Variants in CLEC16A observed in about 807,000 individuals in gnomAD.
CLEC16A encodes the protein C-type lectin domain containing 16A.
A neutral mutation model predicts 109.5 loss-of-function variants in CLEC16A; 51 were observed. The ratio of observed to expected loss-of-function variants is 0.47; its 90% CI spans 0.37 to 0.59. The LOEUF is 0.59. Ranked by LOEUF, CLEC16A falls within the 20% of genes least tolerant of loss-of-function variation. The pLI, the probability that CLEC16A is intolerant of heterozygous loss-of-function variation, is 0.00. For synonymous variants in CLEC16A, 673 were observed against 564.2 expected (o/e 1.19, Z -2.73); for missense variants, 1,339 against 1,394.0 (o/e 0.96, Z 0.63).
intron 19 of CLEC16A, among the ~76,000 whole-genome samples, chr16:11,110,619 CT>C (rs1359540424): frequency 3.9e-5 from 6 of 152,148 alleles, no homozygotes; most frequent in Admixed American, 6.5e-5. Context: ...TGTCATGGCA[CT>C]TCCGAGCAAT....
At chr16:11,121,776 A>C (rs2052428467) in intron 20 of CLEC16A, among the ~76,000 whole-genome samples, 1 of 146,272 alleles carries the variant, frequency 6.8e-6, no homozygotes, top group African/African-American at 2.5e-5. Context: ...GCTACCCAGG[A>C]GGCTGAGGCA....
chr16:11,017,215 T>C (rs1374770277), intron 11 of CLEC16A, among the ~76,000 whole-genome samples: 1 of 152,182 alleles, frequency 6.6e-6, no homozygotes, highest in East Asian at 1.9e-4. Flanking sequence ...ACATCTCGTG[T>C]TGGGCTAGAC....
At chr16:10,953,561 G>A (rs1028531338) in intron 1 of CLEC16A, among the ~76,000 whole-genome samples, 1 of 152,108 alleles carries the variant, frequency 6.6e-6, no homozygotes, top group African/African-American at 2.4e-5. Flanking sequence ...TAAAGACCCA[G>A]TATAAAGGGA....
chr16:11,027,143 G>A (rs971825704), intron 13 of CLEC16A: 61 of 1,452,798 alleles, frequency 4.2e-5, no homozygotes, highest in African/African-American at 5.5e-5. Context: ...CAAAGAAGGA[G>A]CAGAAGAAAG....
chr16:11,041,743 C>T (rs977155896), intron 14 of CLEC16A: 1 of 153,386 alleles, frequency 6.5e-6, no homozygotes, highest in Non-Finnish European at 1.5e-5. Context: ...TTTCTCTTAA[C>T]CCAGCAGTTC....
intron 11 of CLEC16A, among the ~76,000 whole-genome samples, chr16:11,012,308 T>C (rs973922011): frequency 1.3e-5 from 2 of 152,066 alleles, no homozygotes; most frequent in Non-Finnish European, 2.9e-5. Flanking sequence ...TTAAGAAAGA[T>C]TTATGGGCCG....
In CLEC16A at chr16:11,051,613, C is replaced by T. The variant is rs1283441746; in HGVS notation, c.1967C>T (p.Pro656Leu). ...GGCATTGACTTCGTGAAGCGGCTGC[C>T]GTGTGGCGATGTGGAGAAGACCCGG... Reference protein sequence around the residue: ...LTGIDFVKRLPCGDVEKTRRA... With the variant: ...LTGIDFVKRLLCGDVEKTRRA... The change falls in exon 18 of 24, where the codon CCG (proline) becomes CTG (leucine). Residue 656 changes from proline (P) to leucine (L), a missense_variant. Pro to Leu is a moderately conservative substitution (Grantham distance 98). Around this residue, in one of 3 missense-constraint regions of CLEC16A, gnomAD observed 1,061 missense variants for 1,006.8 expected, o/e 1.05. Coordinates refer to ENST00000409790, the MANE Select transcript of CLEC16A (RefSeq NM_015226.3). The T allele has an allele frequency of 6.2e-7, 1 of 1,614,032 alleles. No individual in the cohort carries two copies. Among genetic ancestry groups the T allele is most frequent in the Non-Finnish European group, 8.5e-7 (1 of 1,179,882 alleles).
chr16:11,068,717 T>C (rs1243535326), intron 19 of CLEC16A, among the ~76,000 whole-genome samples: 1 of 152,246 alleles, frequency 6.6e-6, no homozygotes, highest in African/African-American at 2.4e-5. Flanking sequence ...ATTCAGCCTC[T>C]GCCGCAAAAT....
chr16:11,136,626 G>A (rs1473215888), intron 22 of CLEC16A, among the ~76,000 whole-genome samples: 3 of 152,350 alleles, frequency 2.0e-5, no homozygotes, highest in East Asian at 1.9e-4. Context: ...GCACAGAGTT[G>A]CTCTTTCACA....
intron 22 of CLEC16A, among the ~76,000 whole-genome samples, chr16:11,159,364 G>A (rs533243251): frequency 6.6e-6 from 1 of 152,338 alleles, no homozygotes; most frequent in East Asian, 1.9e-4. Context: ...AGGACCACCA[G>A]TGTTTTATCT....
At chr16:11,095,988 C>T (rs2050590721) in intron 19 of CLEC16A, among the ~76,000 whole-genome samples, 1 of 152,064 alleles carries the variant, frequency 6.6e-6, no homozygotes, top group South Asian at 2.1e-4. Context: ...TCACACCCAG[C>T]CATTACCTTT....
intron 19 of CLEC16A, among the ~76,000 whole-genome samples, chr16:11,112,552 C>G (rs1472670244): frequency 3.3e-5 from 5 of 151,002 alleles, no homozygotes; most frequent in Non-Finnish European, 7.4e-5. Flanking sequence ...GTAGTCCTAG[C>G]TACTTAGAAG....
intron 10 of CLEC16A, among the ~76,000 whole-genome samples, chr16:10,985,777 G>C (rs1268717708): frequency 7.9e-6 from 1 of 127,014 alleles, no homozygotes; most frequent in Non-Finnish European, 1.7e-5. Context: ...GAGTGCAGTG[G>C]CGTGATCTCG....
chr16:11,115,402 C>T (rs954718206), intron 19 of CLEC16A, among the ~76,000 whole-genome samples: 1 of 152,190 alleles, frequency 6.6e-6, no homozygotes, highest in African/African-American at 2.4e-5. Context: ...CAGGGCTCAT[C>T]ACTCTGTCAC....
chr16:11,020,440 C>T, intron 12 of CLEC16A, 115 bp downstream of exon 12: 2 of 1,302,806 alleles, frequency 1.5e-6, no homozygotes, highest in South Asian at 1.7e-5. Context: ...GACCATGCTG[C>T]CTCCCTTTCT....
chr16:11,128,787 T>G (rs1320314838), intron 22 of CLEC16A, among the ~76,000 whole-genome samples: 3 of 152,022 alleles, frequency 2.0e-5, no homozygotes, highest in Non-Finnish European at 4.4e-5. Flanking sequence ...TTCACCCTGC[T>G]TCCACACCCA....
rs894821863 is a variant in CLEC16A at position 10,954,194 on chromosome 16, C to G, written c.81-3588C>G. Among the ~76,000 whole-genome samples, 2 of 146,814 alleles carry G rather than the reference C, an allele frequency of 1.4e-5. No individual in the cohort carries two copies. Among genetic ancestry groups the G allele is most frequent in the Non-Finnish European group, 3.1e-5 (2 of 64,404 alleles). ...CAAATGGAGTTCTCAGACCTTTCTT[C>G]CTGGCCACAGGTCTGTGGGCGAGCT... is the stretch of plus-strand genomic sequence containing the variant. On this transcript the variant is annotated intron_variant, in intron 1 of 23. Coordinates refer to ENST00000409790, the MANE Select transcript of CLEC16A (RefSeq NM_015226.3). The surrounding 1 kb of genome is among the most constrained non-coding windows in gnomAD (Gnocchi z 4.2).
intron 9 of CLEC16A, 58 bp downstream of exon 9, chr16:10,979,440 T>C: frequency 6.7e-7 from 1 of 1,496,992 alleles, no homozygotes; most frequent in Non-Finnish European, 9.2e-7. Flanking sequence ...GGCGTGCCAC[T>C]GCCTTGAAGA....
At position 11,174,599 on chromosome 16, in the gene CLEC16A, C is replaced by A. The variant is rs77935786; in HGVS notation, c.2807-3736C>A. On this transcript the variant is annotated intron_variant, in intron 23 of 23. Transcript: ENST00000409790. The surrounding 1 kb of genome is among the most constrained non-coding windows in gnomAD (Gnocchi z 4.7). The stretch of plus-strand genomic sequence containing the variant: ...ATGTGCACCAGTGTCAGGCTCGGCC[C>A]GGGCCAGAAGCAGATGCTCCTGCCA... Among the ~76,000 whole-genome samples, 17 of 152,262 alleles carry A rather than the reference C, an allele frequency of 1.1e-4. No homozygotes were observed. Among genetic ancestry groups the A allele is most frequent in the Non-Finnish European group, 2.4e-4 (16 of 68,050 alleles).
Sources: gnomAD v4.1 joint callset for allele counts (sites outside exome capture counted in the v4.1 genomes callset) on GRCh38, gnomAD v4.1.1 for gene constraint, gnomAD v4.1.1 regional missense constraint, Gnocchi (gnomAD v3.1) non-coding constraint, MANE v1.5 for transcripts, NCBI Gene and HGNC (gene_info 2026-07-23, HGNC 2026-07-21) for gene names.